The following ABCA4 variants were observed in gnomAD, a reference collection of about 807,000 sequenced individuals.
ABCA4 encodes the protein ATP binding cassette subfamily A member 4.
ABCA4 carries 196 observed loss-of-function variants against 263.7 expected under a neutral mutation model. The observed-to-expected ratio is 0.74, with a 90% CI of 0.66 to 0.84. The LOEUF (loss-of-function observed/expected upper bound fraction) is 0.84, where lower values mean the gene tolerates loss of function less well. Among genes scored for constraint, ABCA4 ranks in the 40% least tolerant of loss-of-function variants. The pLI is 0.00. For synonymous variants in ABCA4, 1,133 were observed against 1,094.2 expected, an observed-to-expected ratio of 1.04 and a Z score of -0.70; for missense variants, 2,792 against 2,855.1, an observed-to-expected ratio of 0.98 and a Z score of 0.50.
In ABCA4 at chr1:94,001,947, C is replaced by T. The variant is rs886043588; in HGVS notation, c.6193G>A (p.Asp2065Asn). The T allele has an allele frequency of 2.5e-6, 4 of 1,614,186 alleles. No homozygotes were observed. Among genetic ancestry groups the T allele is most frequent in the Non-Finnish European group, 3.4e-6 (4 of 1,180,028 alleles). ...CCACTGTACGTGCCAGCCAGGCAGT[C>T]GGCGTAGACAGTCAGGCCCAGGCTC... ...IKSLGLTVYA[D>N]CLAGTYSGGN... The change falls in exon 45 of 50, where the codon GAC becomes AAC. Residue 2065 changes from aspartate (D) to asparagine (N), a missense_variant. Physicochemically the swap from Asp to Asn is conservative, Grantham distance 23. Transcript: ENST00000370225.
At chr1:94,104,483 C>A (rs980153048) in intron 4 of ABCA4, among the ~76,000 whole-genome samples, 2 of 152,230 alleles carry the variant, frequency 1.3e-5, no homozygotes, top group Admixed American at 6.5e-5. Flanking sequence ...GGACAGCCAC[C>A]CTTCTCATCC....
At chr1:94,058,565 T>G (rs761479354) in intron 14 of ABCA4, among the ~76,000 whole-genome samples, 1 of 152,212 alleles carries the variant, frequency 6.6e-6, no homozygotes, top group Non-Finnish European at 1.5e-5. Context: ...TTTCGCCATG[T>G]TGGCCAGACT....
intron 4 of ABCA4, among the ~76,000 whole-genome samples, chr1:94,103,984 T>C (rs1481169343): frequency 1.3e-5 from 2 of 152,222 alleles, no homozygotes; most frequent in Non-Finnish European, 2.9e-5. Flanking sequence ...TGTCCCCGTG[T>C]CTGCATTTTC....
intron 6 of ABCA4, among the ~76,000 whole-genome samples, chr1:94,097,419 G>GT (rs768534905): frequency 6.6e-6 from 1 of 152,152 alleles, no homozygotes; most frequent in Admixed American, 6.5e-5. Context: ...TGGGACTTGA[G>GT]AGAGCAGTCA....
chr1:94,120,888 C>A, intron 1 of ABCA4, 92 bp downstream of exon 1: 1 of 375,260 alleles, frequency 2.7e-6, no homozygotes, highest in Non-Finnish European at 5.3e-6. Context: ...CCCCACCCTG[C>A]CCCACCACCC....
intron 6 of ABCA4, among the ~76,000 whole-genome samples, chr1:94,095,597 C>A (rs1332004539): frequency 6.6e-6 from 1 of 152,138 alleles, no homozygotes; most frequent in Non-Finnish European, 1.5e-5. Context: ...CGGAGCAACC[C>A]CTGCCTGCCT....
Position 94,044,365 on chromosome 1 carries a change from C to T in ABCA4, c.3050+248G>A, listed in dbSNP as rs139683886. Among the ~76,000 whole-genome samples the T allele has an allele frequency of 1.6e-4, 25 of 152,306 alleles. 1 individual carries two copies. The South Asian group carries it at 1.7e-3, about 10-fold the overall frequency. ...GGATCGATCAGCTGCTCTGTCAGAG[C>T]GAAGGCAGCCTCACCCTTCTGAGGG... On this transcript the variant is annotated intron_variant, in intron 20 of 49. Coordinates refer to ENST00000370225, the MANE Select transcript of ABCA4 (RefSeq NM_000350.3).
chr1:94,091,156 G>T (rs972041861), intron 6 of ABCA4, among the ~76,000 whole-genome samples: 1 of 152,200 alleles, frequency 6.6e-6, no homozygotes, highest in Admixed American at 6.5e-5. Context: ...ATGTATTTTT[G>T]TGTGGTTAAT....
At chr1:94,111,714 A>G in intron 2 of ABCA4, 135 bp from the exon 3 acceptor site, 2 of 1,097,454 alleles carry the variant, frequency 1.8e-6, no homozygotes, top group Non-Finnish European at 2.7e-6. Flanking sequence ...TTTAAGAAGC[A>G]GGAGCATCTC....
At chr1:94,000,392 C>T (rs1659139733) in intron 47 of ABCA4, among the ~76,000 whole-genome samples, 1 of 152,094 alleles carries the variant, frequency 6.6e-6, no homozygotes, top group South Asian at 2.1e-4. Context: ...AACATATGGT[C>T]TTTTTTCAAA....
intron 36 of ABCA4, among the ~76,000 whole-genome samples, chr1:94,016,678 G>A (rs781738733): frequency 3.9e-5 from 6 of 152,292 alleles, no homozygotes; most frequent in Middle Eastern, 3.4e-3. Flanking sequence ...GTTTTGGAGA[G>A]CTCATAGTGT....
intron 6 of ABCA4, among the ~76,000 whole-genome samples, chr1:94,090,538 C>T (rs953910241): frequency 3.3e-5 from 5 of 152,138 alleles, no homozygotes; most frequent in Non-Finnish European, 7.3e-5. Flanking sequence ...AACTACCTCA[C>T]CTTCTCCAGA....
intron 14 of ABCA4, among the ~76,000 whole-genome samples, chr1:94,057,226 C>T (rs536681348): frequency 6.6e-6 from 1 of 152,312 alleles, no homozygotes; most frequent in African/African-American, 2.4e-5. Flanking sequence ...CTCAGTGGGG[C>T]CCTGAACCAC....
chr1:94,072,059 A>G (rs1341845742), intron 11 of ABCA4, among the ~76,000 whole-genome samples: 4 of 152,196 alleles, frequency 2.6e-5, no homozygotes, highest in Non-Finnish European at 4.4e-5. Flanking sequence ...ATTTTTTCTT[A>G]GGTTATCCTG....
chr1:94,110,125 A>G (rs1662563520), intron 3 of ABCA4, among the ~76,000 whole-genome samples: 2 of 152,242 alleles, frequency 1.3e-5, no homozygotes, highest in South Asian at 4.1e-4. Context: ...GTGCAGTTGT[A>G]AACTAAAACT....
chr1:94,050,753 C>T lies in ABCA4; in HGVS notation c.2653+880G>A, dbSNP rs568055394. On this transcript the variant is annotated intron_variant, in intron 17 of 49. Transcript: ENST00000370225. ...AGCTGTTAAAGTGTTGTTTGTTTGA[C>T]CCAGTGAAAACAAAAGCAAAAAACA... 2.2e-3 allele frequency among the ~76,000 whole-genome samples: 329 copies of T among 151,754 alleles called. 1 individual carries two copies. Among genetic ancestry groups the T allele is most frequent in the African/African-American group, 7.6e-3 (316 of 41,344 alleles).
At chr1:94,062,888 T>A in intron 12 of ABCA4, 135 bp from the exon 13 acceptor site, 1 of 1,101,302 alleles carries the variant, frequency 9.1e-7, no homozygotes, top group Non-Finnish European at 1.3e-6. Context: ...CAATTCTATT[T>A]CCTAGTCCTC....
At chr1:94,116,952 CCTCCTTTCTTTCTTTCT>C (rs1662782079) in intron 1 of ABCA4, among the ~76,000 whole-genome samples, 1 of 139,480 alleles carries the variant, frequency 7.2e-6, no homozygotes, top group Admixed American at 7.2e-5. Context: ...TCCCTCCCTC[CCTCCTTTCTTTCTTTCT>C]CTTTCTTTCT....
At chr1:94,025,353 A>G (rs1423032837) in intron 30 of ABCA4, among the ~76,000 whole-genome samples, 2 of 152,098 alleles carry the variant, frequency 1.3e-5, no homozygotes, top group Non-Finnish European at 2.9e-5. Context: ...ACCACTAGAG[A>G]AACTTCCACA....
Sources: gnomAD v4.1 joint callset for allele counts (sites outside exome capture counted in the v4.1 genomes callset) on GRCh38, gnomAD v4.1.1 for gene constraint, MANE v1.5 for transcripts, NCBI Gene and HGNC (gene_info 2026-07-23, HGNC 2026-07-21) for gene names.